Variants in DLG2 observed in about 807,000 individuals in gnomAD.
DLG2 encodes the protein disks large homolog 2.
DLG2 carries 45 observed loss-of-function variants against 132.5 expected under a neutral mutation model. That is an observed-to-expected ratio of 0.34 (90% CI 0.27 to 0.44). The LOEUF (loss-of-function observed/expected upper bound fraction) is 0.44, where lower values mean the gene tolerates loss of function less well. DLG2 is among the 20% of genes least tolerant of loss of function. The pLI is 1.00. For synonymous variants in DLG2, 424 were observed against 419.6 expected, an observed-to-expected ratio of 1.01 and a Z score of -0.13; for missense variants, 1,045 against 1,196.9, an observed-to-expected ratio of 0.87 and a Z score of 1.87.
chr11:85,553,616 C>T (rs1483082742), intron 3 of DLG2, among the ~76,000 whole-genome samples: 1 of 151,270 alleles, frequency 6.6e-6, no homozygotes, highest in African/African-American at 2.4e-5. Flanking sequence ...GTGGAGGAAA[C>T]TACATACAAA....
chr11:84,936,043 A>G (rs770644480), intron 6 of DLG2, among the ~76,000 whole-genome samples: 4 of 152,238 alleles, frequency 2.6e-5, no homozygotes, highest in Non-Finnish European at 4.4e-5. Flanking sequence ...GTTAGGAAAT[A>G]CATTTAATGC....
chr11:84,559,603 C>T lies in DLG2; in HGVS notation c.358-24872G>A, dbSNP rs139670460. 9.2e-5 allele frequency among the ~76,000 whole-genome samples: 14 copies of T among 152,122 alleles called. No individual in the cohort carries two copies. The East Asian group carries it at 1.4e-3, about 15-fold the overall frequency. On this transcript the variant is annotated intron_variant, in intron 6 of 27. Transcript: ENST00000376104. ...TTTAAAAGCTCTCCATCCAGAGCTA[C>T]GAGAATCTCAGAGGAATTGTAATCC...
intron 6 of DLG2, among the ~76,000 whole-genome samples, chr11:84,803,273 G>A (rs1460346053): frequency 2.0e-5 from 3 of 152,164 alleles, no homozygotes; most frequent in African/African-American, 4.8e-5. Context: ...GAAGTTGAAT[G>A]TATATTCTCT....
intron 4 of DLG2, among the ~76,000 whole-genome samples, chr11:85,209,595 C>CTTTTTTTTTTTTT (rs60317922): frequency 8.6e-6 from 1 of 116,946 alleles, no homozygotes; most frequent in African/African-American, 3.3e-5. Context: ...ACCCAGCTAA[C>CTTTTTTTTTTTTT]TTTTTTTTTT....
chr11:85,360,395 A>T (rs937400246), intron 3 of DLG2, among the ~76,000 whole-genome samples: 12 of 152,170 alleles, frequency 7.9e-5, no homozygotes, highest in African/African-American at 2.9e-4. Context: ...GGATTAAATG[A>T]CATAAGACAT....
intron 7 of DLG2, among the ~76,000 whole-genome samples, chr11:84,502,792 T>C (rs2099225031): frequency 6.6e-6 from 1 of 152,136 alleles, no homozygotes. Context: ...TTAAGGATCT[T>C]ACTTTTTAAA....
intron 3 of DLG2, among the ~76,000 whole-genome samples, chr11:85,594,574 A>G (rs1479747332): frequency 6.6e-6 from 1 of 152,338 alleles, no homozygotes; most frequent in East Asian, 1.9e-4. Flanking sequence ...AAATATATCT[A>G]TAGTTATTTC....
chr11:85,281,247 T>C (rs969664405), intron 4 of DLG2, among the ~76,000 whole-genome samples: 1 of 151,988 alleles, frequency 6.6e-6, no homozygotes, highest in Non-Finnish European at 1.5e-5. Context: ...ACAAGAAAAG[T>C]CTAAAACCTT....
At chr11:84,362,717 T>A (rs1192337957) in intron 7 of DLG2, among the ~76,000 whole-genome samples, 2 of 151,956 alleles carry the variant, frequency 1.3e-5, no homozygotes, top group Admixed American at 6.6e-5. Context: ...TGTCCATGTG[T>A]TCTCATTGTT....
intron 3 of DLG2, among the ~76,000 whole-genome samples, chr11:85,349,081 A>G (rs1345436369): frequency 2.6e-5 from 4 of 152,186 alleles, no homozygotes; most frequent in African/African-American, 9.7e-5. Context: ...GGGTGGTTGG[A>G]CATGCCTCTT....
chr11:84,233,049 T>C (rs2154337409), intron 8 of DLG2, among the ~76,000 whole-genome samples: 1 of 152,280 alleles, frequency 6.6e-6, no homozygotes, highest in African/African-American at 2.4e-5. Flanking sequence ...CCTTTCAGTT[T>C]CCTTAGCTAA....
chr11:84,735,474 G>A (rs559260296), intron 6 of DLG2, among the ~76,000 whole-genome samples: 36 of 152,044 alleles, frequency 2.4e-4, no homozygotes, highest in Admixed American at 9.2e-4. Flanking sequence ...CTGTGGCATC[G>A]GTGGTGATAT....
chr11:84,254,177 A>G (rs2097429260), intron 7 of DLG2, among the ~76,000 whole-genome samples: 1 of 152,124 alleles, frequency 6.6e-6, no homozygotes, highest in African/African-American at 2.4e-5. Context: ...ATTTTCTAGT[A>G]TAGCTTTGAT....
intron 7 of DLG2, among the ~76,000 whole-genome samples, 156 bp downstream of exon 7, chr11:84,534,414 G>A (rs1352411398): frequency 1.3e-5 from 2 of 152,066 alleles, no homozygotes; most frequent in African/African-American, 4.8e-5. Flanking sequence ...AAAATACAAG[G>A]TGGGCCTCCA....
intron 6 of DLG2, among the ~76,000 whole-genome samples, chr11:84,689,597 T>C (rs531592651): frequency 6.6e-6 from 1 of 152,240 alleles, no homozygotes; most frequent in South Asian, 2.1e-4. Context: ...TTTCTTGTAA[T>C]TAATTCTGTT....
intron 7 of DLG2, among the ~76,000 whole-genome samples, chr11:84,456,774 C>A (rs1329976502): frequency 6.6e-6 from 1 of 151,234 alleles, no homozygotes; most frequent in Admixed American, 6.6e-5. Flanking sequence ...TTCCCATCCT[C>A]ACTAGAATGC....
intron 3 of DLG2, among the ~76,000 whole-genome samples, chr11:85,573,560 T>C (rs1258093639): frequency 6.6e-6 from 1 of 152,134 alleles, no homozygotes; most frequent in Non-Finnish European, 1.5e-5. Flanking sequence ...AGTGTGCCAG[T>C]ATCACACTCT....
chr11:84,900,347 T>C (rs1212924932), intron 6 of DLG2, among the ~76,000 whole-genome samples: 1 of 152,088 alleles, frequency 6.6e-6, no homozygotes, highest in African/African-American at 2.4e-5. Flanking sequence ...TAGACATTAA[T>C]TGAACCCACA....
At chr11:84,976,494 T>C (rs570079045) in intron 6 of DLG2, among the ~76,000 whole-genome samples, 7 of 152,244 alleles carry the variant, frequency 4.6e-5, no homozygotes, top group Non-Finnish European at 1.0e-4. Context: ...TATATATAAT[T>C]AGATACATAA....
Sources: allele counts gnomAD v4.1 joint callset (sites outside exome capture counted in the v4.1 genomes callset), GRCh38; gene constraint gnomAD v4.1.1; transcripts MANE v1.5; gene names NCBI Gene and HGNC (gene_info 2026-07-23, HGNC 2026-07-21).